Variants in HS3ST2 observed in about 807,000 individuals in gnomAD.
HS3ST2 encodes the protein heparan sulfate glucosamine 3-O-sulfotransferase 2.
In HS3ST2, 17 loss-of-function variants were observed where a neutral mutation model predicts 26.3. That is an observed-to-expected ratio of 0.65 (90% CI 0.44 to 0.97). HS3ST2 has a LOEUF of 0.97. Ranked by LOEUF, HS3ST2 falls within the 50% of genes least tolerant of loss-of-function variation. The probability of loss-of-function intolerance (pLI) is 0.00; values close to 1 mark genes in which losing one functional copy is unlikely to be tolerated. For missense variants in HS3ST2, 402 were observed against 501.2 expected (o/e 0.80, Z 1.89); for synonymous variants, 237 against 219.2 (o/e 1.08, Z -0.72).
intron 1 of HS3ST2, among the ~76,000 whole-genome samples, chr16:22,913,305 C>G (rs774302577): frequency 1.3e-5 from 2 of 152,004 alleles, no homozygotes; most frequent in Non-Finnish European, 2.9e-5. Context: ...GGGATGCTCC[C>G]GTCCATCAAG....
chr16:22,860,236 G>A (rs1444945766), intron 1 of HS3ST2, among the ~76,000 whole-genome samples: 2 of 152,148 alleles, frequency 1.3e-5, no homozygotes, highest in African/African-American at 2.4e-5. Flanking sequence ...AAGACAAAGA[G>A]CAAAGGGACG....
At chr16:22,903,819 G>A (rs148620056) in intron 1 of HS3ST2, among the ~76,000 whole-genome samples, 139 of 152,262 alleles carry the variant, frequency 9.1e-4, no homozygotes, top group African/African-American at 3.2e-3. Context: ...GGGGAAACTT[G>A]CAAGCCGTGG....
chr16:22,832,423 C>G (rs1439341744), intron 1 of HS3ST2, among the ~76,000 whole-genome samples: 1 of 152,096 alleles, frequency 6.6e-6, no homozygotes, highest in African/African-American at 2.4e-5. Context: ...ACCCAGCCCT[C>G]ACATTTTGGG....
At chr16:22,866,519 C>T (rs774421827) in intron 1 of HS3ST2, among the ~76,000 whole-genome samples, 1 of 151,976 alleles carries the variant, frequency 6.6e-6, no homozygotes, top group African/African-American at 2.4e-5. Context: ...CTTATAATCC[C>T]AGTACATTGG....
intron 1 of HS3ST2, among the ~76,000 whole-genome samples, chr16:22,865,464 G>T (rs941980196): frequency 5.3e-5 from 8 of 151,790 alleles, no homozygotes; most frequent in African/African-American, 1.9e-4. Flanking sequence ...GCTGAGGCAG[G>T]AGAATTGCTT....
At chr16:22,848,460 C>T (rs1255262709) in intron 1 of HS3ST2, among the ~76,000 whole-genome samples, 3 of 152,122 alleles carry the variant, frequency 2.0e-5, no homozygotes, top group Admixed American at 6.5e-5. Context: ...CTGATGTTCA[C>T]CAGAGACTGG....
At chr16:22,850,859 G>T (rs1375026960) in intron 1 of HS3ST2, among the ~76,000 whole-genome samples, 1 of 152,158 alleles carries the variant, frequency 6.6e-6, no homozygotes, top group Non-Finnish European at 1.5e-5. Context: ...CTCTCATACA[G>T]CCGCAGTTCT....
At chr16:22,871,067 G>A (rs923228170) in intron 1 of HS3ST2, among the ~76,000 whole-genome samples, 54 of 152,194 alleles carry the variant, frequency 3.5e-4, no homozygotes, top group African/African-American at 1.2e-3. Flanking sequence ...TTATAAAATA[G>A]GCTTTGTGGG....
At chr16:22,882,497 G>A (rs1381403141) in intron 1 of HS3ST2, among the ~76,000 whole-genome samples, 1 of 152,196 alleles carries the variant, frequency 6.6e-6, no homozygotes, top group African/African-American at 2.4e-5. Context: ...AATTTGGGAG[G>A]CTGAGACAGG....
At chr16:22,874,183 A>C (rs1046953042) in intron 1 of HS3ST2, among the ~76,000 whole-genome samples, 1 of 152,190 alleles carries the variant, frequency 6.6e-6, no homozygotes, top group African/African-American at 2.4e-5. Context: ...CCATAAGCCA[A>C]GCTAGAAAAC....
chr16:22,915,428 C>G lies in HS3ST2; in HGVS notation c.970C>G (p.Arg324Gly), dbSNP rs1902481503. The G allele has an allele frequency of 6.2e-7, 1 of 1,613,702 alleles. No homozygotes were observed. Among genetic ancestry groups the G allele is most frequent in the African/African-American group, 1.3e-5 (1 of 74,814 alleles). The change falls in exon 2 of 2, where the codon CGA becomes GGA. Residue 324 changes from arginine to glycine, a missense_variant. Coordinates refer to ENST00000261374, the MANE Select transcript of HS3ST2 (RefSeq NM_006043.2). ...LKKTESSLLPRCLGKSKGRTH... is the reference protein window; with the variant it reads ...LKKTESSLLPGCLGKSKGRTH... ...AAAAACAGAATCGAGCCTCCTGCCT[C>G]GATGCTTGGGCAAATCAAAAGGGAG...
At chr16:22,887,562 ACACT>A (rs1442264296) in intron 1 of HS3ST2, among the ~76,000 whole-genome samples, 1 of 152,176 alleles carries the variant, frequency 6.6e-6, no homozygotes, top group Admixed American at 6.5e-5. Context: ...GATGACACAA[ACACT>A]CAGTCTATAG....
At chr16:22,866,987 T>C (rs1226685327) in intron 1 of HS3ST2, among the ~76,000 whole-genome samples, 1 of 152,198 alleles carries the variant, frequency 6.6e-6, no homozygotes, top group Admixed American at 6.5e-5. Flanking sequence ...ACTTTTAAAG[T>C]TCATCTAGAG....
chr16:22,903,304 G>A (rs1238385069), intron 1 of HS3ST2, among the ~76,000 whole-genome samples: 1 of 152,200 alleles, frequency 6.6e-6, no homozygotes, highest in Non-Finnish European at 1.5e-5. Flanking sequence ...TTATTGTGAA[G>A]ATCAAGTGAG....
intron 1 of HS3ST2, among the ~76,000 whole-genome samples, chr16:22,894,908 C>T (rs1429876374): frequency 1.3e-5 from 2 of 152,076 alleles, no homozygotes; most frequent in African/African-American, 4.8e-5. Context: ...TGACACAAAC[C>T]CTTCACCATT....
At chr16:22,848,646 C>T (rs1901478921) in intron 1 of HS3ST2, among the ~76,000 whole-genome samples, 1 of 152,210 alleles carries the variant, frequency 6.6e-6, no homozygotes, top group Non-Finnish European at 1.5e-5. Context: ...GGCTCTGTTT[C>T]TCTGCATTCA....
chr16:22,848,914 G>A (rs549083326), intron 1 of HS3ST2, among the ~76,000 whole-genome samples: 9 of 152,236 alleles, frequency 5.9e-5, no homozygotes, highest in South Asian at 2.1e-4. Flanking sequence ...GGTTATACCC[G>A]CCTTACAATT....
chr16:22,832,553 C>T (rs150160800), intron 1 of HS3ST2, among the ~76,000 whole-genome samples: 15 of 152,028 alleles, frequency 9.9e-5, no homozygotes, highest in Admixed American at 3.3e-4. Context: ...TCTGAAGTAA[C>T]GGCTGGGAAG....
intron 1 of HS3ST2, among the ~76,000 whole-genome samples, chr16:22,859,868 A>G (rs147700245): frequency 1.1e-3 from 169 of 152,260 alleles, no homozygotes; most frequent in African/African-American, 4.0e-3. Flanking sequence ...TGACTTGGGC[A>G]TGTAGGGGTG....
Sources: allele counts gnomAD v4.1 joint callset (sites outside exome capture counted in the v4.1 genomes callset), GRCh38; gene constraint gnomAD v4.1.1; transcripts MANE v1.5; gene names NCBI Gene and HGNC (gene_info 2026-07-23, HGNC 2026-07-21).